USP37: variants seen among roughly 807,000 people sequenced by gnomAD.
USP37 encodes ubiquitin carboxyl-terminal hydrolase 37.
In USP37, 27 loss-of-function variants were observed where a neutral mutation model predicts 124.0. The observed-to-expected ratio is 0.22, with a 90% confidence interval of 0.16 to 0.30. USP37 has a LOEUF of 0.30. Ranked by LOEUF, USP37 falls within the 10% of genes least tolerant of loss-of-function variation. USP37 has a pLI of 1.00. For synonymous variants in USP37, 365 were observed against 388.0 expected, an observed-to-expected ratio of 0.94 and a Z score of 0.70; for missense variants, 889 against 1,140.4, an observed-to-expected ratio of 0.78 and a Z score of 3.17.
At chr2:218,537,912 T>A (rs1366076602) in intron 8 of USP37, among the ~76,000 whole-genome samples, 2 of 152,180 alleles carry the variant, frequency 1.3e-5, no homozygotes, top group Non-Finnish European at 2.9e-5. Context: ...AGACAGAGCA[T>A]CTGACTGATG....
Position 218,454,689 on chromosome 2 carries a change from C to T in USP37, c.*241G>A. On this transcript the variant is annotated 3_prime_UTR_variant, in exon 26 of 26. Transcript: ENST00000258399. ...ATATTTACAACATGTATTCCTAAGA[C>T]AAAAGAAGTGCCACTCATAGGAGAA... 3.2e-6 allele frequency: 2 copies of T among 625,020 alleles called. No homozygotes were observed. The highest frequency in any genetic ancestry group is 5.1e-6 in the Non-Finnish European group (2 of 392,570). 38.7% of individuals were successfully genotyped at this position (625,020 alleles called of 1,614,324 possible). A position where few individuals can be genotyped will look rare whatever the true frequency, so the allele number is the denominator to read the frequency against.
intron 2 of USP37, among the ~76,000 whole-genome samples, chr2:218,561,881 T>C (rs1426073062): frequency 6.6e-6 from 1 of 152,154 alleles, no homozygotes; most frequent in African/African-American, 2.4e-5. Context: ...TACTTATAAT[T>C]TCCTCAAAAA....
chr2:218,468,120 G>A (rs1331340101), intron 20 of USP37, among the ~76,000 whole-genome samples: 2 of 149,874 alleles, frequency 1.3e-5, no homozygotes, highest in South Asian at 2.1e-4. Context: ...AACTCCTGAC[G>A]TCAAGTGATC....
intron 10 of USP37, among the ~76,000 whole-genome samples, chr2:218,525,485 A>AAAAT (rs997697211): frequency 7.2e-5 from 11 of 152,330 alleles, no homozygotes; most frequent in Non-Finnish European, 1.2e-4. Context: ...CCCTGTCTAA[A>AAAAT]AAATAAATAA....
At chr2:218,479,811 T>C in intron 17 of USP37, 96 bp from the exon 18 acceptor site, 1 of 699,630 alleles carries the variant, frequency 1.4e-6, no homozygotes, top group Non-Finnish European at 1.9e-6. Flanking sequence ...ATAATTCCTT[T>C]TATGTCCTCT....
Position 218,468,050 on chromosome 2 carries a change from G to A in USP37, c.2300-1874C>T, listed in dbSNP as rs564186385. On this transcript the variant is annotated intron_variant, in intron 20 of 25. Transcript: ENST00000258399. ...TTACAGGTGTTCACCACCACACCTG[G>A]CTAATTTTTTATATTTTTGGTAGAG... is the stretch of plus-strand genomic sequence containing the variant. Among the ~76,000 whole-genome samples, 12 of 149,986 alleles carry A rather than the reference G, an allele frequency of 8.0e-5. No individual in the cohort carries two copies. The South Asian group carries it at 2.3e-3, about 29-fold the overall frequency.
At chr2:218,564,401 A>G (rs753251704) in intron 1 of USP37, among the ~76,000 whole-genome samples, 2 of 152,296 alleles carry the variant, frequency 1.3e-5, no homozygotes, top group Non-Finnish European at 2.9e-5. Context: ...GACATTACAT[A>G]ATTTATAAAT....
At chr2:218,513,150 C>A (rs900734317) in intron 10 of USP37, among the ~76,000 whole-genome samples, 1 of 152,046 alleles carries the variant, frequency 6.6e-6, no homozygotes, top group Admixed American at 6.6e-5. Context: ...CCCATCTCAA[C>A]TTCCCAAGTA....
At chr2:218,472,351 CTGAG>C (rs1201604321) in intron 20 of USP37, among the ~76,000 whole-genome samples, 1 of 152,090 alleles carries the variant, frequency 6.6e-6, no homozygotes, top group African/African-American at 2.4e-5. Flanking sequence ...TCTTTGGAGA[CTGAG>C]TGTGTATATA....
At chr2:218,540,177 A>T (rs1295668335) in intron 8 of USP37, among the ~76,000 whole-genome samples, 1 of 152,080 alleles carries the variant, frequency 6.6e-6, no homozygotes, top group Non-Finnish European at 1.5e-5. Context: ...ACACAGCAAT[A>T]CTCTCACAGT....
At chr2:218,487,741 C>T (rs1377848801) in intron 15 of USP37, among the ~76,000 whole-genome samples, 1 of 151,880 alleles carries the variant, frequency 6.6e-6, no homozygotes, top group Non-Finnish European at 1.5e-5. Flanking sequence ...CTAAGATTGT[C>T]TAAATGCTTG....
intron 7 of USP37, 97 bp downstream of exon 7, chr2:218,546,822 C>T: frequency 1.5e-6 from 2 of 1,371,332 alleles, no homozygotes; most frequent in Non-Finnish European, 2.0e-6. Context: ...CAAAAATGTA[C>T]TCTATACTTT....
rs916848735 is a variant in USP37 at position 218,454,564 on chromosome 2, C to T, written c.*366G>A. On this transcript the variant is annotated 3_prime_UTR_variant, in exon 26 of 26. Coordinates refer to ENST00000258399, the MANE Select transcript of USP37 (RefSeq NM_020935.3). ...AAACTGCTGTGCTATTAATTTTGAG[C>T]AGGCATATTCTGGTGGCTCATCCTA... The T allele has an allele frequency of 2.9e-5, 5 of 170,078 alleles. No individual in the cohort carries two copies. The South Asian group carries it at 9.4e-4, about 32-fold the overall frequency. 10.5% of individuals were successfully genotyped at this position (170,078 alleles called of 1,614,324 possible). A position where few individuals can be genotyped will look rare whatever the true frequency, so the allele number is the denominator to read the frequency against.
At chr2:218,502,946 C>T (rs971038475) in intron 11 of USP37, among the ~76,000 whole-genome samples, 1 of 152,010 alleles carries the variant, frequency 6.6e-6, no homozygotes, top group Non-Finnish European at 1.5e-5. Context: ...AAGATTAAGA[C>T]CGTAGGCTTC....
chr2:218,497,685 G>A (rs765610304), intron 13 of USP37, 49 bp downstream of exon 13: 129 of 1,605,784 alleles, frequency 8.0e-5, no homozygotes, highest in East Asian at 1.1e-4. Context: ...TTACAGACGT[G>A]AGCCACCGTG....
At chr2:218,469,054 A>C (rs1559166576) in intron 20 of USP37, among the ~76,000 whole-genome samples, 1 of 152,214 alleles carries the variant, frequency 6.6e-6, no homozygotes, top group Non-Finnish European at 1.5e-5. Context: ...TCCTGGCTTT[A>C]GATTCTAAGT....
intron 14 of USP37, among the ~76,000 whole-genome samples, chr2:218,495,195 G>A (rs371790459): frequency 2.0e-5 from 3 of 152,182 alleles, no homozygotes; most frequent in South Asian, 4.1e-4. Context: ...AAGCTGGAGT[G>A]CAGTGGCGTC....
In USP37 at chr2:218,549,913, G is replaced by A. The variant is rs755425191; in HGVS notation, c.329-4C>T. Reference sequence around the variant, plus strand: ...GACCCCTGAGACGGTTTCATGGCTGGTGACCAAAAATATAATTTTTTTTAA... The same window carrying A: ...GACCCCTGAGACGGTTTCATGGCTGATGACCAAAAATATAATTTTTTTTAA... On this transcript the variant is annotated splice_polypyrimidine_tract_variant and splice_region_variant and intron_variant, in intron 5 of 25. Transcript: ENST00000258399. The A allele has an allele frequency of 1.3e-6, 2 of 1,582,874 alleles. No homozygotes were observed. Among genetic ancestry groups the A allele is most frequent in the Non-Finnish European group, 8.6e-7 (1 of 1,167,472 alleles).
intron 23 of USP37, among the ~76,000 whole-genome samples, chr2:218,459,209 T>C (rs1689871208): frequency 6.6e-6 from 1 of 152,074 alleles, no homozygotes; most frequent in South Asian, 2.1e-4. Context: ...AAAGGTAATT[T>C]TTTCCCCCCG....
Sources: gnomAD v4.1 joint callset for allele counts (sites outside exome capture counted in the v4.1 genomes callset) on GRCh38, gnomAD v4.1.1 for gene constraint, MANE v1.5 for transcripts, NCBI Gene and HGNC (gene_info 2026-07-23, HGNC 2026-07-21) for gene names.